Variants in ADAMTS2 observed in about 807,000 individuals in gnomAD.
ADAMTS2 encodes the protein ADAM metallopeptidase with thrombospondin type 1 motif 2, also known as A disintegrin and metalloproteinase with thrombospondin motifs 2.
In ADAMTS2, 50 loss-of-function variants were observed where a neutral mutation model predicts 123.0. The observed-to-expected ratio is 0.41, with a 90% confidence interval of 0.32 to 0.51. ADAMTS2 has a LOEUF of 0.51. Among genes scored for constraint, ADAMTS2 ranks in the 20% least tolerant of loss-of-function variants. The pLI is 0.35. For missense variants in ADAMTS2, 1,494 were observed against 1,705.2 expected (o/e 0.88, Z 2.18); for synonymous variants, 678 against 695.4 (o/e 0.98, Z 0.39).
In ADAMTS2 at chr5:179,272,450, C is replaced by A. The variant is rs1766562791; in HGVS notation, c.688+461G>T. ...GCCAGGTGAGGGTTGGGACCTACCA[C>A]AGGCACCCTCCCAGGGACCATGGCA... On this transcript the variant is annotated intron_variant, in intron 3 of 21. Transcript: ENST00000251582. The surrounding 1 kb of genome is among the most constrained non-coding windows in gnomAD (Gnocchi z 5.8). Among the ~76,000 whole-genome samples, 1 of 152,214 alleles carries A rather than the reference C, an allele frequency of 6.6e-6. No homozygotes were observed. The highest frequency in any genetic ancestry group is 2.4e-5 in the African/African-American group (1 of 41,462).
rs1035773769 is a variant in ADAMTS2 at position 179,154,307 on chromosome 5, G to A, written c.1239-115C>T. Reference sequence around the variant, plus strand: ...TTCCCCAACGGGCCTCCTGACCTTGGCCCACTCTGAGCCGGGTGGCACCGA... The same window carrying A: ...TTCCCCAACGGGCCTCCTGACCTTGACCCACTCTGAGCCGGGTGGCACCGA... On this transcript the variant is annotated intron_variant, in intron 7 of 21. Transcript: ENST00000251582. 4 of 1,452,950 alleles carry A rather than the reference G, an allele frequency of 2.8e-6. No homozygotes were observed. The African/African-American group carries it at 5.6e-5, about 20-fold the overall frequency. 90.0% of individuals were successfully genotyped at this position (1,452,950 alleles called of 1,614,324 possible). A position where few individuals can be genotyped will look rare whatever the true frequency, so the allele number is the denominator to read the frequency against.
At chr5:179,213,832 G>C (rs59434527) in intron 3 of ADAMTS2, among the ~76,000 whole-genome samples, 16,415 of 152,210 alleles carry the variant, frequency 0.11, 978 homozygotes, top group South Asian at 0.19. Context: ...CAAAAGATAC[G>C]AAACTTTATG....
At chr5:179,192,208 C>A (rs889824954) in intron 4 of ADAMTS2, among the ~76,000 whole-genome samples, 1 of 152,192 alleles carries the variant, frequency 6.6e-6, no homozygotes, top group African/African-American at 2.4e-5. Flanking sequence ...CTGTGCCCCT[C>A]GACCTGGGCA....
At chr5:179,295,971 C>A (rs1756318809) in intron 2 of ADAMTS2, among the ~76,000 whole-genome samples, 1 of 152,214 alleles carries the variant, frequency 6.6e-6, no homozygotes. Context: ...CGCCCCACTG[C>A]AGGAGGAAAT....
At chr5:179,123,448 C>T (rs1309181127) in intron 19 of ADAMTS2, among the ~76,000 whole-genome samples, 2 of 152,224 alleles carry the variant, frequency 1.3e-5, no homozygotes, top group South Asian at 2.1e-4. Context: ...GGTTTCGAGA[C>T]AGGATCTCGC....
intron 5 of ADAMTS2, among the ~76,000 whole-genome samples, chr5:179,164,499 G>A (rs1424754574): frequency 2.0e-5 from 3 of 152,164 alleles, no homozygotes; most frequent in Admixed American, 2.0e-4. Flanking sequence ...AGGCAGAGAC[G>A]GCACCAGTGT....
intron 2 of ADAMTS2, among the ~76,000 whole-genome samples, chr5:179,320,359 G>A (rs1757130903): frequency 6.6e-6 from 1 of 152,170 alleles, no homozygotes; most frequent in African/African-American, 2.4e-5. Flanking sequence ...TCAGGCTGGA[G>A]TGCAGTGGCA....
At chr5:179,270,316 T>C (rs163490) in intron 3 of ADAMTS2, among the ~76,000 whole-genome samples, 149,680 of 152,276 alleles carry the variant, frequency 0.98, 73,609 homozygotes, top group Middle Eastern at 1. Flanking sequence ...CAGATGCCCA[T>C]CCCCCACTGG....
chr5:179,114,410 C>T, intron 21 of ADAMTS2, 86 bp from the exon 22 acceptor site: 1 of 1,366,032 alleles, frequency 7.3e-7, no homozygotes, highest in Non-Finnish European at 1.0e-6. Flanking sequence ...CTGGAGGAGG[C>T]ATATGGAAGA....
At chr5:179,337,016 A>G (rs1314172953) in intron 2 of ADAMTS2, among the ~76,000 whole-genome samples, 1 of 152,232 alleles carries the variant, frequency 6.6e-6, no homozygotes, top group Non-Finnish European at 1.5e-5. Context: ...GTCGTCGTGC[A>G]GTGTAATTGA....
chr5:179,179,447 A>C (rs1024363992), intron 5 of ADAMTS2, among the ~76,000 whole-genome samples: 7 of 152,216 alleles, frequency 4.6e-5, no homozygotes, highest in Admixed American at 3.9e-4. Flanking sequence ...GATTCCTCGA[A>C]AAGAAGGTTC....
Position 179,144,714 on chromosome 5 carries a change from C to A in ADAMTS2, c.1630-4679G>T, listed in dbSNP as rs1475357775. Among the ~76,000 whole-genome samples the A allele has an allele frequency of 2.6e-5, 4 of 152,342 alleles. No individual in the cohort carries two copies. The South Asian group carries it at 6.2e-4, about 24-fold the overall frequency. ...TCACATGCAAAAGAATGACGTTGGA[C>A]ATCTTCCTCACACTTACACAAAAAT... On this transcript the variant is annotated intron_variant, in intron 10 of 21. Coordinates refer to ENST00000251582, the MANE Select transcript of ADAMTS2 (RefSeq NM_014244.5).
At chr5:179,270,886 A>G (rs907458265) in intron 3 of ADAMTS2, among the ~76,000 whole-genome samples, 3 of 152,154 alleles carry the variant, frequency 2.0e-5, no homozygotes, top group Admixed American at 1.3e-4. Context: ...CCCAGCCCCA[A>G]GTTCTGGGAT....
At position 179,321,949 on chromosome 5, in the gene ADAMTS2, G is replaced by A. The variant is rs564515277; in HGVS notation, c.534+21818C>T. Among the ~76,000 whole-genome samples, 40 of 152,252 alleles carry A rather than the reference G, an allele frequency of 2.6e-4. No individual in the cohort carries two copies. The Middle Eastern group carries it at 0.01, about 39-fold the overall frequency. On this transcript the variant is annotated intron_variant, in intron 2 of 21. Coordinates refer to ENST00000251582, the MANE Select transcript of ADAMTS2 (RefSeq NM_014244.5). ...TGCTGCCTCTATTGAAAGATGTTCCGGCAGAACACTGGATGATCCAGAAAT... is the reference window on the plus strand; with the variant it reads ...TGCTGCCTCTATTGAAAGATGTTCCAGCAGAACACTGGATGATCCAGAAAT...
intron 3 of ADAMTS2, among the ~76,000 whole-genome samples, chr5:179,233,445 C>CT (rs1765457356): frequency 6.7e-6 from 1 of 148,208 alleles, no homozygotes; most frequent in African/African-American, 2.5e-5. Flanking sequence ...CTTTGAAAGG[C>CT]TGAGGGTGGG....
In ADAMTS2 at chr5:179,272,897, T is replaced by C; in HGVS notation, c.688+14A>G. ...GGGCTCTCCACACAGCCTGCCCACC[T>C]GCAGTAGCCTCACCTGTGTCCAGGG... On this transcript the variant is annotated intron_variant, in intron 3 of 21. Transcript: ENST00000251582. This position sits in a 1 kb window ranked among gnomAD's most constrained non-coding sequence, Gnocchi z 5.8. The C allele has an allele frequency of 2.5e-6, 4 of 1,605,952 alleles. No homozygotes were observed. The highest frequency in any genetic ancestry group is 3.4e-6 in the Non-Finnish European group (4 of 1,178,932).
intron 3 of ADAMTS2, among the ~76,000 whole-genome samples, chr5:179,245,257 C>T (rs903924964): frequency 4.6e-5 from 7 of 151,978 alleles, no homozygotes; most frequent in Admixed American, 6.5e-5. Context: ...CCTCCAGAAA[C>T]TGGAAAGGGC....
intron 3 of ADAMTS2, among the ~76,000 whole-genome samples, chr5:179,245,792 A>AAAC (rs1765786424): frequency 6.2e-5 from 6 of 97,136 alleles, no homozygotes; most frequent in Non-Finnish European, 1.2e-4. Context: ...AAAAAAAAAA[A>AAAC]AAACAAAAAA....
chr5:179,129,982 G>C lies in ADAMTS2; in HGVS notation c.2407C>G (p.Arg803Gly). 1.9e-6 allele frequency: 3 copies of C among 1,614,026 alleles called. No homozygotes were observed. The highest frequency in any genetic ancestry group is 2.5e-6 in the Non-Finnish European group (3 of 1,180,014). Residue 803 changes from arginine to glycine, a missense_variant, in exon 16 of 22, where the codon CGG becomes GGG. By Grantham distance (125) the Arg-to-Gly change is moderately radical. Coordinates refer to ENST00000251582, the MANE Select transcript of ADAMTS2 (RefSeq NM_014244.5). This position sits in a 1 kb window ranked among gnomAD's most constrained non-coding sequence, Gnocchi z 4.1. ...VEWEYRDEDGRETLQTMGPLH... is the reference protein window; with the variant it reads ...VEWEYRDEDGGETLQTMGPLH... ...GGGCCCATGGTCTGCAGCGTCTCCC[G>C]GCCGTCCTCGTCTCTGTACTCCCAC...
Sources: allele counts gnomAD v4.1 joint callset (sites outside exome capture counted in the v4.1 genomes callset), GRCh38; gene constraint gnomAD v4.1.1; non-coding constraint Gnocchi (gnomAD v3.1); transcripts MANE v1.5; gene names NCBI Gene and HGNC (gene_info 2026-07-23, HGNC 2026-07-21).